Variants in ITGA9 observed in about 807,000 individuals in gnomAD.
ITGA9 encodes integrin alpha-9.
A neutral mutation model predicts 127.8 loss-of-function variants in ITGA9; 56 were observed. The ratio of observed to expected loss-of-function variants is 0.44; its 90% CI spans 0.35 to 0.55. The LOEUF (loss-of-function observed/expected upper bound fraction) is 0.55. ITGA9 is among the 20% of genes least tolerant of loss of function. The pLI is 0.00. For synonymous variants in ITGA9, 508 were observed against 514.5 expected (o/e 0.99, Z 0.17); for missense variants, 1,196 against 1,347.1 (o/e 0.89, Z 1.76).
intron 15 of ITGA9, among the ~76,000 whole-genome samples, chr3:37,618,483 CA>C (rs1274861591): frequency 6.6e-6 from 1 of 152,244 alleles, no homozygotes; most frequent in African/African-American, 2.4e-5. Flanking sequence ...CTACTCTCTT[CA>C]AAGCTGTCAG....
chr3:37,602,382 T>C (rs1281308402), intron 15 of ITGA9, among the ~76,000 whole-genome samples: 1 of 152,154 alleles, frequency 6.6e-6, no homozygotes, highest in Non-Finnish European at 1.5e-5. Context: ...GATATAAAAC[T>C]GGGTGAAACA....
In ITGA9 at chr3:37,821,880, T is replaced by C. The variant is rs1697519232; in HGVS notation, c.*2891T>C. 2 of 152,066 alleles carry C rather than the reference T, an allele frequency of 1.3e-5. No individual in the cohort carries two copies. Among genetic ancestry groups the C allele is most frequent in the South Asian group, 2.1e-4 (1 of 4,810 alleles). 9.4% of individuals were successfully genotyped at this position (152,066 alleles called of 1,614,324 possible). On this transcript the variant is annotated 3_prime_UTR_variant, in exon 28 of 28. Coordinates refer to ENST00000264741, the MANE Select transcript of ITGA9 (RefSeq NM_002207.3). Reference sequence around the variant, plus strand: ...CCCCAGGAACCTGTCTGGGGAAGGATGATGCCTCTGCTGGTCTGATCGTGC... The same window carrying C: ...CCCCAGGAACCTGTCTGGGGAAGGACGATGCCTCTGCTGGTCTGATCGTGC...
intron 22 of ITGA9, 150 bp downstream of exon 22, chr3:37,744,184 G>A: frequency 2.8e-6 from 2 of 704,368 alleles, no homozygotes; most frequent in South Asian, 3.0e-5. Flanking sequence ...ACCACACACA[G>A]AATGAATCCT....
chr3:37,549,132 A>G (rs1037703785), intron 15 of ITGA9, among the ~76,000 whole-genome samples: 1 of 152,218 alleles, frequency 6.6e-6, no homozygotes, highest in South Asian at 2.1e-4. Flanking sequence ...CTGGGAGGCC[A>G]TGTTGTGCAT....
At chr3:37,583,609 T>C (rs776116236) in intron 15 of ITGA9, among the ~76,000 whole-genome samples, 16 of 152,242 alleles carry the variant, frequency 1.1e-4, no homozygotes, top group Non-Finnish European at 1.8e-4. Flanking sequence ...TTTCTATCTT[T>C]GCACTAGCTT....
chr3:37,550,089 G>A (rs1356982501), intron 15 of ITGA9, among the ~76,000 whole-genome samples: 4 of 152,168 alleles, frequency 2.6e-5, no homozygotes, highest in African/African-American at 9.7e-5. Flanking sequence ...CAAAGACAAG[G>A]CATAGAAGAG....
chr3:37,659,084 A>G lies in ITGA9; in HGVS notation c.1916+5294A>G, dbSNP rs374883522. Among the ~76,000 whole-genome samples the G allele has an allele frequency of 4.7e-4, 71 of 152,276 alleles. No individual in the cohort carries two copies. The South Asian group carries it at 5.0e-3, about 11-fold the overall frequency. ...TGGGCTTCCCTTTGTGGGTAACCCA[A>G]CCTTTCTCTCTGGCTGCCCTTAACA... On this transcript the variant is annotated intron_variant, in intron 17 of 27. Coordinates refer to ENST00000264741, the MANE Select transcript of ITGA9 (RefSeq NM_002207.3).
intron 26 of ITGA9, among the ~76,000 whole-genome samples, chr3:37,801,820 C>A (rs909841960): frequency 6.6e-6 from 1 of 152,120 alleles, no homozygotes; most frequent in African/African-American, 2.4e-5. Flanking sequence ...TCCTGTCTTG[C>A]GGATGAGAAA....
chr3:37,463,565 T>G (rs1399934498), intron 1 of ITGA9, among the ~76,000 whole-genome samples: 1 of 152,204 alleles, frequency 6.6e-6, no homozygotes, highest in African/African-American at 2.4e-5. Context: ...CATGATTTCT[T>G]GAAGCCTAAG....
At chr3:37,615,017 T>C (rs1405960282) in intron 15 of ITGA9, among the ~76,000 whole-genome samples, 1 of 152,202 alleles carries the variant, frequency 6.6e-6, no homozygotes, top group Non-Finnish European at 1.5e-5. Context: ...ATAGGAGTGG[T>C]GGGAGAGGGC....
chr3:37,784,225 A>G (rs748109816), intron 25 of ITGA9, among the ~76,000 whole-genome samples: 2 of 152,106 alleles, frequency 1.3e-5, no homozygotes, highest in Non-Finnish European at 2.9e-5. Flanking sequence ...TTCTCCCCAG[A>G]CCACAGTTTT....
At chr3:37,692,249 G>C (rs898211167) in intron 18 of ITGA9, among the ~76,000 whole-genome samples, 5 of 152,306 alleles carry the variant, frequency 3.3e-5, no homozygotes, top group African/African-American at 1.2e-4. Context: ...ACTCAGAAGA[G>C]ATATACTGAT....
chr3:37,695,947 C>A (rs984825684), intron 18 of ITGA9, among the ~76,000 whole-genome samples: 2 of 152,200 alleles, frequency 1.3e-5, no homozygotes, highest in African/African-American at 4.8e-5. Context: ...TAGGGGTTTT[C>A]ATCTCCATAC....
At chr3:37,611,755 T>C (rs1016221426) in intron 15 of ITGA9, among the ~76,000 whole-genome samples, 11 of 152,080 alleles carry the variant, frequency 7.2e-5, no homozygotes, top group African/African-American at 2.7e-4. Context: ...TAGGGGAAGC[T>C]TCTCAGCTTT....
chr3:37,786,592 C>CA (rs1484035843), intron 26 of ITGA9, among the ~76,000 whole-genome samples: 1 of 147,464 alleles, frequency 6.8e-6, no homozygotes, highest in Non-Finnish European at 1.5e-5. Context: ...GACTCCGTCT[C>CA]AAAAAAACAA....
rs529894190 is a variant in ITGA9 at position 37,541,681 on chromosome 3, C to CA, written c.1529-743dup. On this transcript the variant is annotated intron_variant, in intron 14 of 27. Coordinates refer to ENST00000264741, the MANE Select transcript of ITGA9 (RefSeq NM_002207.3). ...ACCTCAGTACAGGCCCTACCGTGGT[C>CA]ATAGTTTTGTTGAAAGGATAGGCAC... 3.0e-3 allele frequency among the ~76,000 whole-genome samples: 463 copies of CA among 152,232 alleles called. 2 individuals are homozygous for CA. Among genetic ancestry groups the CA allele is most frequent in the African/African-American group, 0.011 (452 of 41,532 alleles).
intron 17 of ITGA9, among the ~76,000 whole-genome samples, chr3:37,678,263 C>T (rs1389454899): frequency 1.3e-5 from 2 of 152,198 alleles, no homozygotes; most frequent in Non-Finnish European, 2.9e-5. Flanking sequence ...GTTTTCCAAG[C>T]AGCCACTCGA....
rs13066790 is a variant in ITGA9 at position 37,469,497 on chromosome 3, A to G, written c.186-1510A>G. ...ATCCAGGAAAGTGTCCATATCATATACAGTTATCACAAATTTGTATAATGT... is the reference window on the plus strand; with the variant it reads ...ATCCAGGAAAGTGTCCATATCATATGCAGTTATCACAAATTTGTATAATGT... On this transcript the variant is annotated intron_variant, in intron 1 of 27. Coordinates refer to ENST00000264741, the MANE Select transcript of ITGA9 (RefSeq NM_002207.3). Among the ~76,000 whole-genome samples the G allele has an allele frequency of 8.6e-3, 1,313 of 152,314 alleles. 9 individuals carry two copies. The highest frequency in any genetic ancestry group is 0.012 in the Non-Finnish European group (817 of 68,026).
In ITGA9 at chr3:37,542,535, C is replaced by A; in HGVS notation, c.1639C>A (p.Gln547Lys). ...ETMGQVTEKLQLTYMEETCRH... is the reference protein window; with the variant it reads ...ETMGQVTEKLKLTYMEETCRH... ...CATGGGTCAGGTCACAGAGAAGCTG[C>A]AGCTGACTTACATGGAGGAGACGTG... The change falls in exon 15 of 28, where the codon CAG becomes AAG. Residue 547 changes from glutamine to lysine, a missense_variant. Transcript: ENST00000264741. 6.2e-7 allele frequency: 1 copy of A among 1,614,190 alleles called. No homozygotes were observed. The highest frequency in any genetic ancestry group is 8.5e-7 in the Non-Finnish European group (1 of 1,180,036).
Sources: allele counts gnomAD v4.1 joint callset (sites outside exome capture counted in the v4.1 genomes callset), GRCh38; gene constraint gnomAD v4.1.1; transcripts MANE v1.5; gene names NCBI Gene and HGNC (gene_info 2026-07-23, HGNC 2026-07-21).